The following MECOM variants were observed in gnomAD, a reference collection of about 807,000 sequenced individuals.
MECOM encodes histone-lysine N-methyltransferase MECOM.
Under a neutral mutation model 116.3 loss-of-function variants are expected in MECOM, and 13 were observed. The observed-to-expected ratio is 0.11, with a 90% CI of 0.07 to 0.18. The LOEUF is 0.18. MECOM is among the 10% of genes least tolerant of loss of function. The pLI is 1.00. For missense variants in MECOM, 1,299 were observed against 1,509.0 expected (o/e 0.86, Z 2.31); for synonymous variants, 528 against 535.2 (o/e 0.99, Z 0.19).
chr3:169,324,852 G>C (rs1310139352), intron 2 of MECOM, among the ~76,000 whole-genome samples: 1 of 152,114 alleles, frequency 6.6e-6, no homozygotes, highest in Non-Finnish European at 1.5e-5. Context: ...TTTTTACTGA[G>C]GGTATTTCCA....
intron 1 of MECOM, among the ~76,000 whole-genome samples, chr3:169,517,104 G>A (rs1756725168): frequency 6.6e-6 from 1 of 152,026 alleles, no homozygotes; most frequent in African/African-American, 2.4e-5. Context: ...AAAATTCCAT[G>A]GATCATACAA....
chr3:169,351,293 AATT>A (rs1191262844), intron 2 of MECOM, among the ~76,000 whole-genome samples: 6 of 151,882 alleles, frequency 4.0e-5, no homozygotes, highest in African/African-American at 1.4e-4. Flanking sequence ...TGGATAATTT[AATT>A]ATTAAGGAAA....
At chr3:169,473,284 A>G (rs1305038209) in intron 1 of MECOM, among the ~76,000 whole-genome samples, 1 of 152,184 alleles carries the variant, frequency 6.6e-6, no homozygotes, top group Non-Finnish European at 1.5e-5. Flanking sequence ...TCTGGCCTTC[A>G]TCCTAATCCA....
chr3:169,145,233 C>T, intron 2 of MECOM: 1 of 519,532 alleles, frequency 1.9e-6, no homozygotes, highest in Non-Finnish European at 3.4e-6. Context: ...CCTCTTCACA[C>T]TAACAACGAC....
At chr3:169,167,866 C>T (rs2149362709) in intron 2 of MECOM, among the ~76,000 whole-genome samples, 1 of 152,196 alleles carries the variant, frequency 6.6e-6, no homozygotes, top group East Asian at 1.9e-4. Context: ...CTCTGAATGA[C>T]TTTTGAGTAC....
At chr3:169,306,507 C>A (rs1717722644) in intron 2 of MECOM, among the ~76,000 whole-genome samples, 3 of 152,144 alleles carry the variant, frequency 2.0e-5, no homozygotes, top group African/African-American at 2.4e-5. Flanking sequence ...TGTGGGGAAA[C>A]CCTGTCTCTA....
At chr3:169,205,749 G>A (rs1488109) in intron 2 of MECOM, among the ~76,000 whole-genome samples, 50,719 of 151,934 alleles carry the variant, frequency 0.33, 9,359 homozygotes, top group Middle Eastern at 0.56. Flanking sequence ...AAATTAGATC[G>A]CTTAGAATTT....
chr3:169,497,403 T>C (rs1753949163), intron 1 of MECOM, among the ~76,000 whole-genome samples: 1 of 151,860 alleles, frequency 6.6e-6, no homozygotes, highest in Admixed American at 6.6e-5. Context: ...TGGAGTGCAG[T>C]AGTGTGATCT....
chr3:169,092,588 A>G (rs1388996966), intron 14 of MECOM, among the ~76,000 whole-genome samples: 2 of 152,004 alleles, frequency 1.3e-5, no homozygotes, highest in African/African-American at 2.4e-5. Flanking sequence ...TGAAATTTTG[A>G]TAACAGATTC....
intron 2 of MECOM, among the ~76,000 whole-genome samples, chr3:169,347,345 A>T (rs1438058603): frequency 6.6e-6 from 1 of 152,062 alleles, no homozygotes; most frequent in Non-Finnish European, 1.5e-5. Context: ...AAAATAAATC[A>T]AATAAGTGAA....
Position 169,412,343 on chromosome 3 carries a change from GT to G in MECOM, c.38-30820del, listed in dbSNP as rs201106910. Among the ~76,000 whole-genome samples the G allele has an allele frequency of 7.3e-5, 11 of 150,550 alleles. No homozygotes were observed. The East Asian group carries it at 7.7e-4, about 11-fold the overall frequency. ...AAAGATAAAAATAAATTAATTAAAA[GT>G]TTTTTTTAAATTTATTTGGGTTATT... On this transcript the variant is annotated intron_variant, in intron 1 of 16. Transcript: ENST00000651503.
intron 2 of MECOM, among the ~76,000 whole-genome samples, chr3:169,181,198 A>G (rs1012583335): frequency 6.6e-6 from 1 of 152,136 alleles, no homozygotes; most frequent in African/African-American, 2.4e-5. Context: ...TCCAGATTTG[A>G]ATCCTTAACT....
intron 1 of MECOM, among the ~76,000 whole-genome samples, chr3:169,453,591 A>G (rs965933100): frequency 1.3e-5 from 2 of 152,176 alleles, no homozygotes; most frequent in African/African-American, 4.8e-5. Flanking sequence ...GGCATAATCA[A>G]TATCATATAT....
At chr3:169,415,035 A>G (rs935026455) in intron 1 of MECOM, among the ~76,000 whole-genome samples, 6 of 152,176 alleles carry the variant, frequency 3.9e-5, no homozygotes, top group African/African-American at 1.4e-4. Context: ...ACAGAGAACA[A>G]CACAAAGATA....
rs545356581 is a variant in MECOM, at chr3:169,205,023, C to G, written c.376-61191G>C. ...AAGCAGTTATTTCAGTTTTCCTCTG[C>G]CGTCCCTGGATGCTATGGGTTTAAA... On this transcript the variant is annotated intron_variant, in intron 2 of 16. Transcript: ENST00000651503. 2.0e-4 allele frequency among the ~76,000 whole-genome samples: 31 copies of G among 152,272 alleles called. 1 individual carries two copies. The East Asian group carries it at 5.8e-3, about 28-fold the overall frequency.
intron 2 of MECOM, among the ~76,000 whole-genome samples, chr3:169,315,112 C>T (rs1719507200): frequency 6.6e-6 from 1 of 152,160 alleles, no homozygotes; most frequent in African/African-American, 2.4e-5. Flanking sequence ...GACCCAGTGC[C>T]ACCCACGCTG....
chr3:169,280,215 G>A (rs1397908070), intron 2 of MECOM, among the ~76,000 whole-genome samples: 1 of 152,170 alleles, frequency 6.6e-6, no homozygotes, highest in Non-Finnish European at 1.5e-5. Flanking sequence ...CATTGGTCAA[G>A]ATCAGCTAAA....
At chr3:169,508,306 C>T (rs1190643529) in intron 1 of MECOM, among the ~76,000 whole-genome samples, 3 of 152,068 alleles carry the variant, frequency 2.0e-5, no homozygotes, top group Non-Finnish European at 4.4e-5. Flanking sequence ...ATTGTTTTAA[C>T]CGCTGTAAAA....
chr3:169,224,495 T>A (rs187801715), intron 2 of MECOM, among the ~76,000 whole-genome samples: 2 of 152,266 alleles, frequency 1.3e-5, no homozygotes, highest in Admixed American at 6.5e-5. Flanking sequence ...CAGGCCACTG[T>A]CACCCACATA....
Sources: allele counts gnomAD v4.1 joint callset (sites outside exome capture counted in the v4.1 genomes callset), GRCh38; gene constraint gnomAD v4.1.1; transcripts MANE v1.5; gene names NCBI Gene and HGNC (gene_info 2026-07-23, HGNC 2026-07-21).